ADGRL3: variants seen among roughly 807,000 people sequenced by gnomAD.
The protein encoded by ADGRL3 is adhesion G protein-coupled receptor L3.
In ADGRL3, 62 loss-of-function variants were observed where a neutral mutation model predicts 153.5. The observed-to-expected ratio is 0.40, with a 90% CI of 0.33 to 0.50. The LOEUF is 0.50. Ranked by LOEUF, ADGRL3 falls within the 20% of genes least tolerant of loss-of-function variation. The pLI is 0.47. For synonymous variants in ADGRL3, 710 were observed against 672.5 expected, an observed-to-expected ratio of 1.06 and a Z score of -0.86; for missense variants, 1,641 against 1,859.4, an observed-to-expected ratio of 0.88 and a Z score of 2.16.
rs1734973550 is a variant in ADGRL3, at chr4:61,202,131, C to T, written c.-240+366C>T. 6.5e-6 allele frequency: 1 copy of T among 152,792 alleles called. No individual in the cohort carries two copies. Among genetic ancestry groups the T allele is most frequent in the South Asian group, 2.1e-4 (1 of 4,854 alleles). The allele number at this position is 152,792 out of a possible 1,614,324, so 9.5% of individuals were successfully genotyped here. A position where few individuals can be genotyped will look rare whatever the true frequency, so the allele number is the denominator to read the frequency against. ...TCTCCTCTCACCCCAGTGGCATCCC[C>T]TGGTGGGGGCAGAAAGCGGACAGGA... On this transcript the variant is annotated intron_variant, in intron 1 of 26. Coordinates refer to ENST00000683033, the MANE Select transcript of ADGRL3 (RefSeq NM_001387552.1). This position sits in a 1 kb window ranked among gnomAD's most constrained non-coding sequence, Gnocchi z 5.0.
intron 4 of ADGRL3, among the ~76,000 whole-genome samples, chr4:61,554,587 G>A (rs1206883971): frequency 6.6e-6 from 1 of 152,098 alleles, no homozygotes; most frequent in Non-Finnish European, 1.5e-5. Context: ...CTGTGTGCAT[G>A]TGTATGTGAC....
intron 5 of ADGRL3, among the ~76,000 whole-genome samples, chr4:61,593,229 T>C (rs1418801228): frequency 6.6e-6 from 1 of 152,182 alleles, no homozygotes; most frequent in African/African-American, 2.4e-5. Context: ...TTGCTCTAGT[T>C]ATTATTTTTG....
intron 11 of ADGRL3, among the ~76,000 whole-genome samples, chr4:61,900,659 A>G (rs1336422909): frequency 3.3e-5 from 5 of 152,122 alleles, no homozygotes; most frequent in African/African-American, 1.2e-4. Context: ...AGGAAAAGGA[A>G]GACCAGTAGG....
chr4:61,557,934 T>A (rs1421871370), intron 4 of ADGRL3, among the ~76,000 whole-genome samples: 1 of 151,548 alleles, frequency 6.6e-6, no homozygotes, highest in Non-Finnish European at 1.5e-5. Flanking sequence ...TCCATCGAGG[T>A]CATGTGGATC....
intron 2 of ADGRL3, among the ~76,000 whole-genome samples, chr4:61,438,863 A>G (rs1312456192): frequency 4.6e-5 from 7 of 151,664 alleles, no homozygotes; most frequent in East Asian, 1.9e-4. Context: ...GCCCGCCACC[A>G]CGCCCGGCTA....
At chr4:61,676,629 A>C (rs2150904362) in intron 5 of ADGRL3, among the ~76,000 whole-genome samples, 197 bp from the exon 6 acceptor site, 1 of 152,172 alleles carries the variant, frequency 6.6e-6, no homozygotes, top group East Asian at 1.9e-4. Flanking sequence ...AATATGAGCA[A>C]GCTGAATAGA....
intron 6 of ADGRL3, among the ~76,000 whole-genome samples, chr4:61,697,901 C>A (rs2095670452): frequency 6.6e-6 from 1 of 152,164 alleles, no homozygotes; most frequent in South Asian, 2.1e-4. Context: ...TACATGAAGC[C>A]CAGGAGTGAT....
chr4:61,259,651 C>A (rs372377346), intron 1 of ADGRL3, among the ~76,000 whole-genome samples: 1 of 152,050 alleles, frequency 6.6e-6, no homozygotes, highest in East Asian at 1.9e-4. Context: ...GCTGAAATCA[C>A]TAGGAAATGT....
intron 8 of ADGRL3, among the ~76,000 whole-genome samples, chr4:61,757,019 TG>T (rs2152118446): frequency 6.6e-6 from 1 of 152,312 alleles, no homozygotes; most frequent in East Asian, 1.9e-4. Context: ...GGATTCGGTT[TG>T]CCAGAATTTT....
At chr4:61,279,532 T>G (rs538872714) in intron 1 of ADGRL3, among the ~76,000 whole-genome samples, 1 of 152,242 alleles carries the variant, frequency 6.6e-6, no homozygotes, top group South Asian at 2.1e-4. Flanking sequence ...ACCTAAAAAA[T>G]TACAGCTAGC....
chr4:61,642,959 T>C (rs2093759764), intron 5 of ADGRL3, among the ~76,000 whole-genome samples: 2 of 152,216 alleles, frequency 1.3e-5, no homozygotes, highest in Non-Finnish European at 2.9e-5. Flanking sequence ...CCTCTTTTAT[T>C]TCCTTGAGCA....
intron 1 of ADGRL3, among the ~76,000 whole-genome samples, chr4:61,266,023 A>G (rs951334055): frequency 2.0e-5 from 3 of 151,914 alleles, no homozygotes; most frequent in African/African-American, 7.2e-5. Context: ...TTATATTTCT[A>G]GAATTTTCAT....
chr4:61,222,573 C>A (rs1746139822), intron 1 of ADGRL3, among the ~76,000 whole-genome samples: 2 of 151,886 alleles, frequency 1.3e-5, no homozygotes, highest in Admixed American at 6.6e-5. Flanking sequence ...CAAAACAAAA[C>A]AAAATAAGGC....
intron 1 of ADGRL3, among the ~76,000 whole-genome samples, chr4:61,260,128 GAT>G (rs1361408002): frequency 2.0e-5 from 3 of 152,188 alleles, no homozygotes; most frequent in African/African-American, 7.2e-5. Flanking sequence ...GAATGATTCA[GAT>G]ATTTGAAGAT....
chr4:61,696,820 C>T (rs1055985152), intron 6 of ADGRL3, among the ~76,000 whole-genome samples: 5 of 151,740 alleles, frequency 3.3e-5, no homozygotes, highest in Non-Finnish European at 5.9e-5. Context: ...GGATTATAGG[C>T]GCCTGCCACC....
intron 15 of ADGRL3, among the ~76,000 whole-genome samples, chr4:61,938,554 C>T (rs1223178932): frequency 6.6e-6 from 1 of 152,090 alleles, no homozygotes; most frequent in Non-Finnish European, 1.5e-5. Context: ...CTGACAGCAG[C>T]CTTTACCACA....
chr4:61,224,510 G>C (rs956680584), intron 1 of ADGRL3, among the ~76,000 whole-genome samples: 1 of 152,068 alleles, frequency 6.6e-6, no homozygotes, highest in African/African-American at 2.4e-5. Flanking sequence ...ATTTTCTCTG[G>C]AGGAAATACA....
At chr4:61,507,572 C>G (rs529499680) in intron 3 of ADGRL3, among the ~76,000 whole-genome samples, 20 of 152,310 alleles carry the variant, frequency 1.3e-4, no homozygotes, top group African/African-American at 4.8e-4. Context: ...TGGTTTGGCT[C>G]TGTGGCCCCA....
At chr4:61,667,613 C>G (rs2094845016) in intron 5 of ADGRL3, among the ~76,000 whole-genome samples, 1 of 152,048 alleles carries the variant, frequency 6.6e-6, no homozygotes, top group African/African-American at 2.4e-5. Flanking sequence ...TACGTAAGTC[C>G]AAATTGAAAA....
Sources: allele counts gnomAD v4.1 joint callset (sites outside exome capture counted in the v4.1 genomes callset), GRCh38; gene constraint gnomAD v4.1.1; non-coding constraint Gnocchi (gnomAD v3.1); transcripts MANE v1.5; gene names NCBI Gene and HGNC (gene_info 2026-07-23, HGNC 2026-07-21).